Variants in CCL26 observed in about 807,000 individuals in gnomAD.
CCL26 encodes C-C motif chemokine ligand 26, also known as C-C motif chemokine 26.
In CCL26, 10 loss-of-function variants were observed where a neutral mutation model predicts 10.7. The observed-to-expected ratio is 0.93, with a 90% CI of 0.57 to 1.58. CCL26 has a LOEUF of 1.58. Ranked by LOEUF, CCL26 falls within the 40% of genes most tolerant of loss-of-function variation. The pLI, the probability that CCL26 is intolerant of heterozygous loss-of-function variation, is 0.00. For synonymous variants in CCL26, 43 were observed against 41.4 expected (o/e 1.04, Z -0.15); for missense variants, 116 against 111.0 (o/e 1.05, Z -0.20).
At chr7:75,771,145 T>C (rs1159481100) in intron 2 of CCL26, among the ~76,000 whole-genome samples, 2 of 151,966 alleles carry the variant, frequency 1.3e-5, no homozygotes, top group Non-Finnish European at 2.9e-5. Context: ...AGTGCAGTGG[T>C]GCGATCATAC....
chr7:75,770,808 T>C (rs11465343), intron 2 of CCL26, among the ~76,000 whole-genome samples: 2,802 of 151,966 alleles, frequency 0.018, 34 homozygotes, highest in Non-Finnish European at 0.029. Context: ...CCGGAGTAAC[T>C]GGGCTTACAG....
In CCL26 at chr7:75,777,402, G is replaced by A. The variant is rs78027258; in HGVS notation, c.-78-5148C>T. 6.6e-3 allele frequency among the ~76,000 whole-genome samples: 1,001 copies of A among 152,166 alleles called. 8 individuals are homozygous for A. The highest frequency in any genetic ancestry group is 0.023 in the African/African-American group (975 of 41,524). ...TAACATAATACAATACTATTCCGCA[G>A]TGAGAATGAACTACAGTTACTTGCA... On this transcript the variant is annotated intron_variant, in intron 1 of 3. Coordinates refer to the CCL26 transcript ENST00000394905.
upstream of CCL26, among the ~76,000 whole-genome samples, chr7:75,775,373 A>G (rs1554528595): frequency 6.6e-6 from 1 of 152,128 alleles, no homozygotes; most frequent in African/African-American, 2.4e-5. Context: ...CGTTGTTTTT[A>G]TTTCAGTTCC....
intron 2 of CCL26, among the ~76,000 whole-genome samples, chr7:75,771,191 C>T (rs534021047): frequency 2.6e-5 from 4 of 152,082 alleles, no homozygotes; most frequent in South Asian, 2.1e-4. Flanking sequence ...CTCAAGCGAT[C>T]GTCTAAACCT....
At chr7:75,782,604 A>T (rs1380684574) in intron 1 of CCL26, among the ~76,000 whole-genome samples, 1 of 151,954 alleles carries the variant, frequency 6.6e-6, no homozygotes, top group African/African-American at 2.4e-5. Context: ...CTGACCTAAA[A>T]TCTAAGCGTC....
Position 75,772,101 on chromosome 7 carries a change from T to C in CCL26, c.73+3A>G. Reference sequence around the variant, plus strand: ...CCAGGAGGGGAATGGGCCAGCTACGTACGTGTGGCAGTTCCAAGGTGGAGA... The same window carrying C: ...CCAGGAGGGGAATGGGCCAGCTACGCACGTGTGGCAGTTCCAAGGTGGAGA... On this transcript the variant is annotated splice_donor_region_variant and intron_variant, in intron 1 of 2. Transcript: ENST00000005180. The C allele has an allele frequency of 6.3e-7, 1 of 1,586,144 alleles. No homozygotes were observed. The highest frequency in any genetic ancestry group is 8.6e-7 in the Non-Finnish European group (1 of 1,166,258).
At chr7:75,780,188 C>T (rs1468038955) in intron 1 of CCL26, among the ~76,000 whole-genome samples, 3 of 151,350 alleles carry the variant, frequency 2.0e-5, no homozygotes, top group African/African-American at 7.3e-5. Flanking sequence ...TTCCACTTTC[C>T]TGGGGGGCAA....
chr7:75,787,870 T>G (rs1251995515), intron 1 of CCL26, among the ~76,000 whole-genome samples: 6 of 152,004 alleles, frequency 3.9e-5, no homozygotes, highest in Non-Finnish European at 8.8e-5. Flanking sequence ...ATTCGGAACT[T>G]GTGTCTTTCG....
At position 75,772,183 on chromosome 7, in the gene CCL26, G is replaced by A; in HGVS notation, c.-7C>T. ...CCAAGGAGAGGCCCATCATGATGCT[G>A]CAAATCAGGCCCTTCTCAGGTTTCT... On this transcript the variant is annotated 5_prime_UTR_variant, in exon 1 of 3. Transcript: ENST00000005180. 6.5e-7 allele frequency: 1 copy of A among 1,548,264 alleles called. No homozygotes were observed. Among genetic ancestry groups the A allele is most frequent in the Non-Finnish European group, 8.7e-7 (1 of 1,145,112 alleles).
chr7:75,780,112 C>T (rs1803029081), intron 1 of CCL26, among the ~76,000 whole-genome samples: 1 of 149,412 alleles, frequency 6.7e-6, no homozygotes, highest in Non-Finnish European at 1.5e-5. Flanking sequence ...TTTCCACTTT[C>T]CTGGGGGGCA....
rs1470233049 is a variant in CCL26 at position 75,778,429 on chromosome 7, G to C, written c.-78-6175C>G. ...TGTGGTTTTTTTTTTTTTTTTGGTA[G>C]AGATGAGGTTTTGCCATGTTGCCCA... On this transcript the variant is annotated intron_variant, in intron 1 of 3. Coordinates refer to the CCL26 transcript ENST00000394905. Among the ~76,000 whole-genome samples the C allele has an allele frequency of 9.3e-5, 13 of 140,410 alleles. 1 individual carries two copies. The South Asian group carries it at 2.7e-3, about 29-fold the overall frequency. The allele number at this position is 140,410 out of a possible 152,430, so 92.1% of individuals were successfully genotyped here. A position where few individuals can be genotyped will look rare whatever the true frequency, so the allele number is the denominator to read the frequency against.
chr7:75,789,088 ATTTTTTGATT>A (rs1554530394), intron 1 of CCL26, among the ~76,000 whole-genome samples: 2 of 107,802 alleles, frequency 1.9e-5, no homozygotes, highest in Non-Finnish European at 3.5e-5. Flanking sequence ...TGCCCAGTTC[ATTTTTTGATT>A]TTTTTTTTTT....
intron 1 of CCL26, among the ~76,000 whole-genome samples, chr7:75,786,656 T>C (rs1255991124): frequency 6.6e-6 from 1 of 152,200 alleles, no homozygotes; most frequent in Non-Finnish European, 1.5e-5. Flanking sequence ...ACGCTTATGC[T>C]GATAAGGTAG....
rs1554528994 is a variant in CCL26 at position 75,778,285 on chromosome 7, G to C, written c.-78-6031C>G. On this transcript the variant is annotated intron_variant, in intron 1 of 3. Transcript: ENST00000394905. The stretch of plus-strand genomic sequence containing the variant: ...CACCCAGGCTGGAGGGCAGTGGCAC[G>C]ATCATAGCTCACTGCAGCCTTGACC... 3.3e-5 allele frequency among the ~76,000 whole-genome samples: 5 copies of C among 151,990 alleles called. 1 individual carries two copies. The South Asian group carries it at 1.0e-3, about 32-fold the overall frequency.
At chr7:75,784,715 C>G (rs991566484) in intron 1 of CCL26, among the ~76,000 whole-genome samples, 7 of 152,100 alleles carry the variant, frequency 4.6e-5, no homozygotes, top group Non-Finnish European at 7.4e-5. Context: ...TTATCTGCTT[C>G]CCTGACTATT....
chr7:75,776,182 C>T (rs2115655835), upstream of CCL26, among the ~76,000 whole-genome samples: 1 of 151,462 alleles, frequency 6.6e-6, no homozygotes, highest in East Asian at 2.0e-4. Flanking sequence ...CACGATTCTC[C>T]TGTCTCAGCC....
chr7:75,782,184 T>G (rs1426558016), intron 1 of CCL26, among the ~76,000 whole-genome samples: 1 of 152,176 alleles, frequency 6.6e-6, no homozygotes, highest in African/African-American at 2.4e-5. Context: ...CTTCTCTTAA[T>G]TTCAATTCCT....
intron 1 of CCL26, among the ~76,000 whole-genome samples, chr7:75,784,116 A>T (rs1554529735): frequency 6.6e-6 from 1 of 152,172 alleles, no homozygotes; most frequent in East Asian, 1.9e-4. Context: ...CCCCAGCCAC[A>T]TCTCCATCAC....
chr7:75,780,513 C>G (rs1365871869), intron 1 of CCL26, among the ~76,000 whole-genome samples: 6 of 152,168 alleles, frequency 3.9e-5, no homozygotes, highest in African/African-American at 1.4e-4. Context: ...ACAAACTCGA[C>G]AGTTGTTCCA....
Sources: allele counts gnomAD v4.1 joint callset (sites outside exome capture counted in the v4.1 genomes callset), GRCh38; gene constraint gnomAD v4.1.1; transcripts MANE v1.5; gene names NCBI Gene and HGNC (gene_info 2026-07-23, HGNC 2026-07-21).